Variants in HCN1 observed in about 807,000 individuals in gnomAD.
The protein encoded by HCN1 is hyperpolarization activated cyclic nucleotide gated potassium channel 1.
A neutral mutation model predicts 78.9 loss-of-function variants in HCN1; 13 were observed. That is an observed-to-expected ratio of 0.16 (90% confidence interval 0.11 to 0.26). The LOEUF is 0.26. Ranked by LOEUF, HCN1 falls within the 10% of genes least tolerant of loss-of-function variation. HCN1 has a pLI of 1.00. For missense variants in HCN1, 810 were observed against 1,154.3 expected (o/e 0.70, Z 4.32); for synonymous variants, 552 against 455.5 (o/e 1.21, Z -2.70).
chr5:45,685,563 T>C (rs1739788636), intron 1 of HCN1, among the ~76,000 whole-genome samples: 1 of 152,086 alleles, frequency 6.6e-6, no homozygotes, highest in South Asian at 2.1e-4. Context: ...AAATACAAAA[T>C]TAGCTGGGCG....
At chr5:45,374,441 C>T (rs961828652) in intron 4 of HCN1, among the ~76,000 whole-genome samples, 1 of 148,296 alleles carries the variant, frequency 6.7e-6, no homozygotes. Context: ...CCTCCCAAGA[C>T]TGAATCAAGA....
chr5:45,643,068 A>T (rs1245908038), intron 2 of HCN1: 4 of 152,244 alleles, frequency 2.6e-5, no homozygotes, highest in African/African-American at 9.6e-5. Context: ...CTGTAAGTGC[A>T]TATTAAATTG....
chr5:45,361,050 T>C (rs1747096926), intron 4 of HCN1, among the ~76,000 whole-genome samples: 1 of 152,150 alleles, frequency 6.6e-6, no homozygotes, highest in Non-Finnish European at 1.5e-5. Context: ...TTTATTTTAT[T>C]TGTTTTTCTC....
intron 2 of HCN1, among the ~76,000 whole-genome samples, chr5:45,529,829 C>G (rs976782164): frequency 3.1e-4 from 47 of 152,026 alleles, no homozygotes; most frequent in African/African-American, 1.1e-3. Context: ...AATTATAAAT[C>G]TCTTTGTTTT....
chr5:45,456,353 C>T (rs1741029671), intron 3 of HCN1, among the ~76,000 whole-genome samples: 1 of 151,888 alleles, frequency 6.6e-6, no homozygotes, highest in Non-Finnish European at 1.5e-5. Flanking sequence ...TTAAAAAATG[C>T]TGATAATTAC....
At chr5:45,570,179 T>C (rs1743796343) in intron 2 of HCN1, among the ~76,000 whole-genome samples, 1 of 152,146 alleles carries the variant, frequency 6.6e-6, no homozygotes. Flanking sequence ...TCTGATATTC[T>C]CTTTCTTCCT....
intron 2 of HCN1, among the ~76,000 whole-genome samples, chr5:45,497,524 C>A (rs1161793193): frequency 1.3e-5 from 2 of 152,124 alleles, no homozygotes; most frequent in Non-Finnish European, 2.9e-5. Context: ...AGGATTGCAA[C>A]CCCTGCCTTT....
Position 45,257,264 on chromosome 5 carries a change from A to G in HCN1, c.*4657T>C, listed in dbSNP as rs73099428. ...CTTTCAGAAGGTTTTTGAAATCCCT[A>G]TTTCCCACTTGATCTGGGTTCCTCT... On this transcript the variant is annotated 3_prime_UTR_variant, in exon 8 of 8. Coordinates refer to ENST00000303230, the MANE Select transcript of HCN1 (RefSeq NM_021072.4). The G allele has an allele frequency of 1.3e-5, 2 of 152,214 alleles. No homozygotes were observed. The highest frequency in any genetic ancestry group is 2.4e-5 in the African/African-American group (1 of 41,528). 9.4% of individuals were successfully genotyped at this position (152,214 alleles called of 1,614,324 possible). A position where few individuals can be genotyped will look rare whatever the true frequency, so the allele number is the denominator to read the frequency against.
intron 2 of HCN1, among the ~76,000 whole-genome samples, chr5:45,469,512 A>G (rs974510335): frequency 6.6e-6 from 1 of 151,978 alleles, no homozygotes. Flanking sequence ...GGCGAAAACC[A>G]CATATCTTAT....
intron 2 of HCN1, among the ~76,000 whole-genome samples, chr5:45,609,289 C>T (rs1744787396): frequency 6.6e-6 from 1 of 152,140 alleles, no homozygotes; most frequent in African/African-American, 2.4e-5. Context: ...TGCACAACAA[C>T]GACAGCAAAA....
intron 4 of HCN1, among the ~76,000 whole-genome samples, chr5:45,364,538 G>A (rs1188420424): frequency 6.6e-6 from 1 of 151,986 alleles, no homozygotes; most frequent in Admixed American, 6.6e-5. Context: ...CACATCAAAC[G>A]CAAAATTGAA....
chr5:45,482,256 A>G (rs1741670043), intron 2 of HCN1, among the ~76,000 whole-genome samples: 1 of 152,188 alleles, frequency 6.6e-6, no homozygotes, highest in Non-Finnish European at 1.5e-5. Flanking sequence ...CAGGTTCACA[A>G]ACAGTGGCAG....
chr5:45,559,199 G>A (rs912448816), intron 2 of HCN1: 4 of 151,932 alleles, frequency 2.6e-5, no homozygotes, highest in Non-Finnish European at 5.9e-5. Context: ...GAGCTCTGAT[G>A]GATATGTACA....
chr5:45,312,500 C>G (rs528182706), intron 5 of HCN1, among the ~76,000 whole-genome samples: 1 of 152,114 alleles, frequency 6.6e-6, no homozygotes, highest in Non-Finnish European at 1.5e-5. Context: ...ATCTCACTAG[C>G]ACTTGTCAGA....
intron 2 of HCN1, among the ~76,000 whole-genome samples, chr5:45,466,604 T>G (rs950874799): frequency 3.3e-5 from 5 of 152,040 alleles, no homozygotes; most frequent in Admixed American, 3.3e-4. Flanking sequence ...TTAGATGGAG[T>G]GTATACATAC....
chr5:45,267,289 T>C, intron 6 of HCN1, 36 bp from the exon 7 acceptor site: 1 of 1,605,432 alleles, frequency 6.2e-7, no homozygotes, highest in Non-Finnish European at 8.5e-7. Flanking sequence ...ATGACTTGTT[T>C]GATCATTTTC....
chr5:45,365,367 C>T (rs1207229275), intron 4 of HCN1, among the ~76,000 whole-genome samples: 1 of 151,832 alleles, frequency 6.6e-6, no homozygotes, highest in South Asian at 2.1e-4. Flanking sequence ...CTTTTGGAGT[C>T]CCCAAAGACT....
chr5:45,650,804 C>T (rs764298503), intron 1 of HCN1, among the ~76,000 whole-genome samples: 1 of 151,862 alleles, frequency 6.6e-6, no homozygotes, highest in Non-Finnish European at 1.5e-5. Context: ...TACCCACATG[C>T]AACCCTTTAA....
At chr5:45,320,428 T>A (rs1746101214) in intron 5 of HCN1, among the ~76,000 whole-genome samples, 2 of 151,870 alleles carry the variant, frequency 1.3e-5, no homozygotes, top group Non-Finnish European at 2.9e-5. Context: ...AGAGTCAACA[T>A]CTATTGAGTT....
Sources: gnomAD v4.1 joint callset for allele counts (sites outside exome capture counted in the v4.1 genomes callset) on GRCh38, gnomAD v4.1.1 for gene constraint, MANE v1.5 for transcripts, NCBI Gene and HGNC (gene_info 2026-07-23, HGNC 2026-07-21) for gene names.